Variants in GAB2 observed in about 807,000 individuals in gnomAD.
GAB2 encodes the protein GRB2-associated-binding protein 2.
A neutral mutation model predicts 65.5 loss-of-function variants in GAB2; 26 were observed. The ratio of observed to expected loss-of-function variants is 0.40; its 90% CI spans 0.29 to 0.55. The LOEUF (loss-of-function observed/expected upper bound fraction) is 0.55, where lower values mean the gene tolerates loss of function less well. Ranked by LOEUF, GAB2 falls within the 20% of genes least tolerant of loss-of-function variation. The pLI, the probability that GAB2 is intolerant of heterozygous loss-of-function variation, is 0.53. For synonymous variants in GAB2, 321 were observed against 329.6 expected, an observed-to-expected ratio of 0.97 and a Z score of 0.28; for missense variants, 884 against 875.8, an observed-to-expected ratio of 1.01 and a Z score of -0.12.
intron 1 of GAB2, among the ~76,000 whole-genome samples, chr11:78,399,493 C>T (rs1030522855): frequency 6.6e-5 from 10 of 152,150 alleles, no homozygotes; most frequent in Admixed American, 2.6e-4. Context: ...TATTTCCCAG[C>T]GACTGGCCAA....
chr11:78,361,789 C>G (rs1052539149), intron 1 of GAB2, among the ~76,000 whole-genome samples: 1 of 152,132 alleles, frequency 6.6e-6, no homozygotes, highest in South Asian at 2.1e-4. Context: ...CTCTGGAGAG[C>G]AATGTGGCAA....
chr11:78,303,806 C>T (rs546162839), intron 1 of GAB2, among the ~76,000 whole-genome samples: 12 of 152,248 alleles, frequency 7.9e-5, no homozygotes, highest in African/African-American at 2.6e-4. Context: ...GCCATCCAGG[C>T]CTGGAGGTTT....
chr11:78,219,193 G>T lies in GAB2; in HGVS notation c.*79C>A. Reference sequence around the variant, plus strand: ...GTAGAGAGGAGGTGGATGGGAGGAAGAACGGGAGAGGGGAGAGGGGAGATG... The same window carrying T: ...GTAGAGAGGAGGTGGATGGGAGGAATAACGGGAGAGGGGAGAGGGGAGATG... On this transcript the variant is annotated 3_prime_UTR_variant, in exon 10 of 10. Coordinates refer to ENST00000361507, the MANE Select transcript of GAB2 (RefSeq NM_080491.3). 7.4e-7 allele frequency: 1 copy of T among 1,349,784 alleles called. No individual in the cohort carries two copies. Among genetic ancestry groups the T allele is most frequent in the Non-Finnish European group, 1.0e-6 (1 of 960,526 alleles). The allele number at this position is 1,349,784 out of a possible 1,614,324, so 83.6% of individuals were successfully genotyped here. A position where few individuals can be genotyped will look rare whatever the true frequency, so the allele number is the denominator to read the frequency against.
intron 3 of GAB2, among the ~76,000 whole-genome samples, chr11:78,248,801 C>T (rs1200768506): frequency 6.6e-6 from 1 of 152,164 alleles, no homozygotes; most frequent in East Asian, 1.9e-4. Context: ...AACCCATATC[C>T]GACTGACTCC....
In GAB2 at chr11:78,229,891, C is replaced by T. The variant is rs151139263; in HGVS notation, c.621-2840G>A. ...TCCTACTCCATTTATCCTTCAAACT[C>T]ATCTCAGAAGACACATTTTTTAAGG... On this transcript the variant is annotated intron_variant, in intron 3 of 9. Transcript: ENST00000361507. Among the ~76,000 whole-genome samples, 330 of 152,336 alleles carry T rather than the reference C, an allele frequency of 2.2e-3. 1 individual carries two copies. The highest frequency in any genetic ancestry group is 7.3e-3 in the African/African-American group (303 of 41,576).
intron 1 of GAB2, among the ~76,000 whole-genome samples, chr11:78,293,891 A>T (rs1866747740): frequency 6.6e-6 from 1 of 151,838 alleles, no homozygotes; most frequent in Non-Finnish European, 1.5e-5. Context: ...TAAAAGATGG[A>T]TATTGATGAA....
At chr11:78,222,554 TA>T (rs1469583589) in intron 6 of GAB2, among the ~76,000 whole-genome samples, 1 of 148,378 alleles carries the variant, frequency 6.7e-6, no homozygotes, top group Non-Finnish European at 1.5e-5. Context: ...TTAATATTTA[TA>T]AAAATATATA....
chr11:78,343,318 C>T (rs1824138491), intron 1 of GAB2, among the ~76,000 whole-genome samples: 1 of 149,446 alleles, frequency 6.7e-6, no homozygotes, highest in Middle Eastern at 3.4e-3. Flanking sequence ...TCATTTTCCT[C>T]CCAAACCCCA....
rs1332446931 is a variant in GAB2, at chr11:78,336,351, A to C, written c.76-55450T>G. 8.4e-3 allele frequency among the ~76,000 whole-genome samples: 1,239 copies of C among 148,092 alleles called. 26 individuals are homozygous for C. Among genetic ancestry groups the C allele is most frequent in the African/African-American group, 0.03 (1,174 of 39,690 alleles). On this transcript the variant is annotated intron_variant, in intron 1 of 9. Coordinates refer to ENST00000361507, the MANE Select transcript of GAB2 (RefSeq NM_080491.3). ...CAAAAAAAAAAAAAAAAAAAAAAAA[A>C]AAAAAAAAAAACACAACAAGAATTA... is the stretch of plus-strand genomic sequence containing the variant.
intron 1 of GAB2, among the ~76,000 whole-genome samples, chr11:78,333,747 T>C (rs1224685406): frequency 7.0e-6 from 1 of 142,526 alleles, no homozygotes; most frequent in Non-Finnish European, 1.5e-5. Context: ...GCTGCTCTTA[T>C]CTTCACTGAT....
intron 3 of GAB2, among the ~76,000 whole-genome samples, chr11:78,243,034 C>T (rs373256359): frequency 8.6e-5 from 13 of 151,632 alleles, no homozygotes; most frequent in South Asian, 2.1e-4. Context: ...TGGTGGCACA[C>T]GCCTGTAATC....
At chr11:78,249,121 G>C (rs967612807) in intron 3 of GAB2, among the ~76,000 whole-genome samples, 9 of 152,210 alleles carry the variant, frequency 5.9e-5, no homozygotes, top group Non-Finnish European at 1.2e-4. Flanking sequence ...ATAGTGAAAA[G>C]AGTACAGGAC....
At chr11:78,393,712 T>G (rs987156270) in intron 1 of GAB2, among the ~76,000 whole-genome samples, 1 of 152,200 alleles carries the variant, frequency 6.6e-6, no homozygotes, top group Non-Finnish European at 1.5e-5. Flanking sequence ...AGTTAAGGAC[T>G]AAAATATCCA....
intron 1 of GAB2, among the ~76,000 whole-genome samples, chr11:78,377,426 T>G (rs976682418): frequency 2.6e-5 from 4 of 152,206 alleles, no homozygotes; most frequent in African/African-American, 9.6e-5. Flanking sequence ...TCTACTCTCA[T>G]GACTCAATTT....
At chr11:78,365,700 A>G (rs1856487590) in intron 1 of GAB2, among the ~76,000 whole-genome samples, 1 of 152,204 alleles carries the variant, frequency 6.6e-6, no homozygotes, top group Non-Finnish European at 1.5e-5. Context: ...ACTGATGACC[A>G]TTCATCATCT....
chr11:78,280,087 T>G (rs2134584151), intron 2 of GAB2, among the ~76,000 whole-genome samples: 1 of 152,338 alleles, frequency 6.6e-6, no homozygotes, highest in East Asian at 1.9e-4. Context: ...AATCACTGTT[T>G]CCTCCTTTTA....
chr11:78,232,073 T>C (rs1864865303), intron 3 of GAB2: 1 of 152,252 alleles, frequency 6.6e-6, no homozygotes, highest in African/African-American at 2.4e-5. Flanking sequence ...GGCAGGACTC[T>C]GGTTACAGAG....
intron 2 of GAB2, among the ~76,000 whole-genome samples, chr11:78,276,961 T>A (rs1866190131): frequency 6.6e-6 from 1 of 152,014 alleles, no homozygotes; most frequent in Non-Finnish European, 1.5e-5. Context: ...AGGACTACAG[T>A]TGCCCGCCAC....
intron 1 of GAB2, among the ~76,000 whole-genome samples, chr11:78,353,462 G>A (rs967002431): frequency 6.6e-6 from 1 of 152,154 alleles, no homozygotes; most frequent in Non-Finnish European, 1.5e-5. Context: ...AACACTGGGA[G>A]AAACTGGGGA....
Sources: allele counts gnomAD v4.1 joint callset (sites outside exome capture counted in the v4.1 genomes callset), GRCh38; gene constraint gnomAD v4.1.1; transcripts MANE v1.5; gene names NCBI Gene and HGNC (gene_info 2026-07-23, HGNC 2026-07-21).